The following XK variants were observed in gnomAD, a reference collection of about 807,000 sequenced individuals.
The protein encoded by XK is X-linked Kx blood group antigen, Kell and VPS13A binding protein, also known as endoplasmic reticulum membrane adapter protein XK.
In XK, 2 loss-of-function variants were observed where a neutral mutation model predicts 14.0. That is an observed-to-expected ratio of 0.14 (90% confidence interval 0.06 to 0.45). XK has a LOEUF of 0.45. XK is among the 20% of genes least tolerant of loss of function. XK has a pLI of 0.98. For synonymous variants in XK, 149 were observed against 147.5 expected, an observed-to-expected ratio of 1.01 and a Z score of -0.08; for missense variants, 235 against 341.5, an observed-to-expected ratio of 0.69 and a Z score of 2.46.
intron 1 of XK, among the ~76,000 whole-genome samples, chrX:37,687,219 A>ACACACACG (rs1377472857): frequency 4.7e-5 from 5 of 107,304 alleles, no homozygotes; most frequent in Admixed American, 1.0e-4. Flanking sequence ...ACACACACAC[A>ACACACACG]CACACACGCA....
At chrX:37,717,004 G>C (rs1409479624) in intron 2 of XK, among the ~76,000 whole-genome samples, 1 of 111,439 alleles carries the variant, frequency 9.0e-6, no homozygotes, top group Non-Finnish European at 1.9e-5. Flanking sequence ...CCCATTCCCG[G>C]GTGCCTGACC....
chrX:37,725,890 C>G (rs931157178), intron 2 of XK, among the ~76,000 whole-genome samples: 2 of 111,659 alleles, frequency 1.8e-5, no homozygotes, highest in Non-Finnish European at 3.8e-5. Flanking sequence ...ATATAACATT[C>G]TGGAAAACGT....
chrX:37,721,196 A>T (rs1927863545), intron 2 of XK, among the ~76,000 whole-genome samples: 1 of 111,187 alleles, frequency 9.0e-6, no homozygotes, highest in South Asian at 3.7e-4. Flanking sequence ...CTTTTTTATA[A>T]TAGCCATTCT....
rs1043509596 is a variant in XK at position 37,729,599 on chromosome X, G to A, written c.*1137G>A. ...CTATATAATTTTTCCTTTAATCGGA[G>A]ACCCTATTTGTTTCATTAAAGAGGA... On this transcript the variant is annotated 3_prime_UTR_variant, in exon 3 of 3. Coordinates refer to ENST00000378616, the MANE Select transcript of XK (RefSeq NM_021083.4). 2.8e-4 allele frequency: 31 copies of A among 111,306 alleles called. No homozygotes were observed. Among genetic ancestry groups the A allele is most frequent in the African/African-American group, 1.0e-3 (31 of 30,560 alleles). The allele number at this position is 111,306 out of a possible 1,213,427, so 9.2% of individuals were successfully genotyped here.
chrX:37,694,952 G>A (rs1927280906), intron 2 of XK, among the ~76,000 whole-genome samples: 1 of 112,180 alleles, frequency 8.9e-6, no homozygotes, highest in South Asian at 3.7e-4. Flanking sequence ...CTGCTTCCAA[G>A]GGTGAGTGTT....
chrX:37,725,984 T>C (rs1927965673), intron 2 of XK, among the ~76,000 whole-genome samples: 1 of 111,802 alleles, frequency 8.9e-6, no homozygotes, highest in Non-Finnish European at 1.9e-5. Context: ...ACAGAGGATT[T>C]TTACACAGTG....
At position 37,728,151 on chromosome X, in the gene XK, A is replaced by G. The variant is rs1556450501; in HGVS notation, c.1024A>G (p.Ile342Val). 8.3e-7 allele frequency: 1 copy of G among 1,211,206 alleles called. No homozygotes were observed. Among genetic ancestry groups the G allele is most frequent in the South Asian group, 1.8e-5 (1 of 56,957 alleles). Residue 342 changes from isoleucine (I) to valine (V), a missense_variant, in exon 3 of 3, where the codon ATC (isoleucine) becomes GTC (valine). Coordinates refer to ENST00000378616, the MANE Select transcript of XK (RefSeq NM_021083.4). ...CCTGTGGTATCTTTTCAAGACTGAC[A>G]TCTATATGTATGTGTGCGCACCTCT... ...LLLWYLFKTD[I>V]YMYVCAPLLV...
intron 2 of XK, among the ~76,000 whole-genome samples, chrX:37,707,022 T>C (rs1893754489): frequency 1.8e-5 from 2 of 112,639 alleles, no homozygotes; most frequent in Non-Finnish European, 3.8e-5. Flanking sequence ...AAGTCTCCCA[T>C]GTCTACTTCT....
rs140233842 is a variant in XK, at chrX:37,729,605, A to G, written c.*1143A>G. ...AATTTTTCCTTTAATCGGAGACCCT[A>G]TTTGTTTCATTAAAGAGGATTGGGT... On this transcript the variant is annotated 3_prime_UTR_variant, in exon 3 of 3. Transcript: ENST00000378616. 3 of 111,440 alleles carry G rather than the reference A, an allele frequency of 2.7e-5. No homozygotes were observed. Among genetic ancestry groups the G allele is most frequent in the Non-Finnish European group, 5.7e-5 (3 of 53,009 alleles). The allele number at this position is 111,440 out of a possible 1,213,427, so 9.2% of individuals were successfully genotyped here.
intron 2 of XK, 71 bp from the exon 3 acceptor site, chrX:37,727,565 G>A (rs1460866058): frequency 5.2e-6 from 5 of 962,229 alleles, no homozygotes; most frequent in South Asian, 4.0e-5. Context: ...GTGGGGTGCT[G>A]ACAGAGTGTC....
At chrX:37,689,870 A>T (rs1927170944) in intron 1 of XK, among the ~76,000 whole-genome samples, 1 of 112,429 alleles carries the variant, frequency 8.9e-6, no homozygotes, top group Non-Finnish European at 1.9e-5. Context: ...AAAACATTTT[A>T]AAAATTCTGT....
Position 37,701,675 on chromosome X carries a change from G to A in XK, c.508+7127G>A, listed in dbSNP as rs376814773. Among the ~76,000 whole-genome samples the A allele has an allele frequency of 6.2e-5, 7 of 112,406 alleles. No individual in the cohort carries two copies. In the East Asian group the frequency reaches 1.1e-3, roughly 18 times the overall value. On this transcript the variant is annotated intron_variant, in intron 2 of 2. Coordinates refer to ENST00000378616, the MANE Select transcript of XK (RefSeq NM_021083.4). ...TTTCCCAAAGATTGAGTCCACTTTG[G>A]ATATGCACAGTGTGGCCCTTAATAA...
intron 2 of XK, among the ~76,000 whole-genome samples, chrX:37,716,798 T>G (rs958261611): frequency 1.8e-5 from 2 of 111,838 alleles, no homozygotes; most frequent in African/African-American, 6.5e-5. Context: ...GGAAGAGTTT[T>G]TTTGTTTGTT....
chrX:37,706,413 C>T (rs1169651969), intron 2 of XK, among the ~76,000 whole-genome samples: 1 of 110,481 alleles, frequency 9.1e-6, no homozygotes, highest in Non-Finnish European at 1.9e-5. Flanking sequence ...GATGCCAAAT[C>T]CCTACTTTTA....
In XK at chrX:37,685,835, G is replaced by T. The variant is rs1556439983; in HGVS notation, c.-127G>T. 3.7e-6 allele frequency: 3 copies of T among 805,386 alleles called. No individual in the cohort carries two copies. Among genetic ancestry groups the T allele is most frequent in the East Asian group, 4.1e-5 (1 of 24,464 alleles). The allele number at this position is 805,386 out of a possible 1,213,427, so 66.4% of individuals were successfully genotyped here. On this transcript the variant is annotated 5_prime_UTR_variant, in exon 1 of 3. Coordinates refer to ENST00000378616, the MANE Select transcript of XK (RefSeq NM_021083.4). ...CGGGCCCGCGTGCCCTCGGCGGGCT[G>T]CGCAGAGCGCGGGAGCGGTTTGGGG...
intron 2 of XK, among the ~76,000 whole-genome samples, chrX:37,712,411 T>C (rs1289558462): frequency 2.7e-5 from 3 of 112,330 alleles, no homozygotes; most frequent in Non-Finnish European, 3.8e-5. Flanking sequence ...TAGCTTTTTA[T>C]GTTTGTATGT....
At chrX:37,697,301 T>G (rs1455990694) in intron 2 of XK, among the ~76,000 whole-genome samples, 1 of 112,465 alleles carries the variant, frequency 8.9e-6, no homozygotes, top group Non-Finnish European at 1.9e-5. Context: ...TCAGCAAAGT[T>G]TGAGAACATT....
intron 2 of XK, among the ~76,000 whole-genome samples, chrX:37,711,026 G>A (rs186943651): frequency 9.0e-6 from 1 of 111,555 alleles, no homozygotes; most frequent in Non-Finnish European, 1.9e-5. Flanking sequence ...CTCATCCTTC[G>A]GCAAAACCAC....
In XK at chrX:37,705,640, A is replaced by G. The variant is rs1437360861; in HGVS notation, c.508+11092A>G. ...TGACAAATCTCTAGGAACTTCTCAT[A>G]CAATCTAGAACTTCTGAAATATTTA... On this transcript the variant is annotated intron_variant, in intron 2 of 2. Transcript: ENST00000378616. Among the ~76,000 whole-genome samples the G allele has an allele frequency of 4.5e-5, 5 of 111,731 alleles. No individual in the cohort carries two copies. The Admixed American group carries it at 4.8e-4, about 11-fold the overall frequency.
Sources: gnomAD v4.1 joint callset for allele counts (sites outside exome capture counted in the v4.1 genomes callset) on GRCh38, gnomAD v4.1.1 for gene constraint, MANE v1.5 for transcripts, NCBI Gene and HGNC (gene_info 2026-07-23, HGNC 2026-07-21) for gene names.